PPFIA2: variants seen among roughly 807,000 people sequenced by gnomAD.
PPFIA2 encodes the protein PPFI scaffold protein A2, also known as liprin-alpha-2.
Under a neutral mutation model 175.5 loss-of-function variants are expected in PPFIA2, and 46 were observed. The ratio of observed to expected loss-of-function variants is 0.26; its 90% confidence interval spans 0.21 to 0.34. PPFIA2 has a LOEUF of 0.34. Ranked by LOEUF, PPFIA2 falls within the 10% of genes least tolerant of loss-of-function variation. PPFIA2 has a pLI of 1.00. For missense variants in PPFIA2, 1,179 were observed against 1,506.1 expected (o/e 0.78, Z 3.60); for synonymous variants, 568 against 511.4 (o/e 1.11, Z -1.49).
intron 5 of PPFIA2, among the ~76,000 whole-genome samples, chr12:81,446,644 A>C (rs1224949095): frequency 6.6e-6 from 1 of 152,246 alleles, no homozygotes; most frequent in Non-Finnish European, 1.5e-5. Context: ...AGCATAGGCT[A>C]ACAAGTGGTG....
intron 9 of PPFIA2, among the ~76,000 whole-genome samples, chr12:81,377,271 G>A (rs2036579399): frequency 6.6e-6 from 1 of 152,052 alleles, no homozygotes; most frequent in African/African-American, 2.4e-5. Flanking sequence ...ATCAGCCAGA[G>A]GCGATGGCTC....
At chr12:81,365,945 C>T (rs2033107508) in intron 14 of PPFIA2, among the ~76,000 whole-genome samples, 1 of 150,050 alleles carries the variant, frequency 6.7e-6, no homozygotes, top group Non-Finnish European at 1.5e-5. Flanking sequence ...TTTCCAATAC[C>T]TTCTATATCC....
At position 81,642,804 on chromosome 12, in the gene PPFIA2, T is replaced by TATTATATACATAC. The variant is rs1567690364; in HGVS notation, c.303+33986_303+33987insGTATGTATATAAT. Among the ~76,000 whole-genome samples, 25 of 24,252 alleles carry TATTATATACATAC rather than the reference T, an allele frequency of 1.0e-3. 7 individuals carry two copies. Among genetic ancestry groups the TATTATATACATAC allele is most frequent in the Admixed American group, 2.6e-3 (4 of 1,566 alleles). 15.9% of individuals were successfully genotyped at this position (24,252 alleles called of 152,430 possible). On this transcript the variant is annotated intron_variant, in intron 4 of 32. Coordinates refer to ENST00000549396, the MANE Select transcript of PPFIA2 (RefSeq NM_003625.5). The stretch of plus-strand genomic sequence containing the variant: ...TTATATACATACATGTATATGTATG[T>TATTATATACATAC]ATGTATTACATACATGTATATGTAT...
chr12:81,284,213 C>G (rs1394344218), intron 25 of PPFIA2, 28 bp downstream of exon 25: 6 of 1,515,646 alleles, frequency 4.0e-6, no homozygotes, highest in Non-Finnish European at 5.5e-6. Context: ...CACTTTCCTT[C>G]AGGTTCAACA....
At chr12:81,640,940 A>C (rs779370065) in intron 4 of PPFIA2, among the ~76,000 whole-genome samples, 4 of 152,124 alleles carry the variant, frequency 2.6e-5, no homozygotes, top group Non-Finnish European at 5.9e-5. Context: ...CCTAGTTTTT[A>C]GGGAAGGGAA....
At chr12:81,434,596 A>G (rs1273886075) in intron 7 of PPFIA2, among the ~76,000 whole-genome samples, 2 of 152,122 alleles carry the variant, frequency 1.3e-5, no homozygotes, top group Non-Finnish European at 2.9e-5. Context: ...TCAAAGATAA[A>G]TACATTTTCA....
intron 8 of PPFIA2, among the ~76,000 whole-genome samples, chr12:81,398,664 G>A (rs1024244516): frequency 7.2e-5 from 11 of 152,000 alleles, no homozygotes; most frequent in African/African-American, 2.2e-4. Flanking sequence ...ACCCGTAGCC[G>A]CTTTGTTAAT....
At chr12:81,314,334 C>T (rs939395980) in intron 22 of PPFIA2, among the ~76,000 whole-genome samples, 1 of 151,652 alleles carries the variant, frequency 6.6e-6, no homozygotes, top group African/African-American at 2.4e-5. Context: ...TAGCATATAG[C>T]CTCATTATTT....
intron 4 of PPFIA2, among the ~76,000 whole-genome samples, chr12:81,551,503 A>T (rs557334456): frequency 4.6e-5 from 7 of 152,130 alleles, no homozygotes; most frequent in Admixed American, 1.3e-4. Context: ...AAGCACTCAC[A>T]TTGCATGATT....
chr12:81,691,719 A>G (rs1723048838), intron 3 of PPFIA2, among the ~76,000 whole-genome samples: 1 of 152,178 alleles, frequency 6.6e-6, no homozygotes, highest in South Asian at 2.1e-4. Context: ...CTATTAATGG[A>G]TAATAGTTAG....
At chr12:81,512,279 C>T in intron 4 of PPFIA2, 3 of 1,284,284 alleles carry the variant, frequency 2.3e-6, no homozygotes, top group Non-Finnish European at 3.0e-6. Flanking sequence ...TGACACAAAA[C>T]ATACCTGATG....
At chr12:81,614,582 C>T (rs1392313169) in intron 4 of PPFIA2, among the ~76,000 whole-genome samples, 1 of 152,092 alleles carries the variant, frequency 6.6e-6, no homozygotes, top group Non-Finnish European at 1.5e-5. Flanking sequence ...GTTTAGGCCA[C>T]CTTATTTCTT....
chr12:81,737,844 T>C lies in PPFIA2; in HGVS notation c.249+16129A>G, dbSNP rs563501866. Among the ~76,000 whole-genome samples, 104 of 151,076 alleles carry C rather than the reference T, an allele frequency of 6.9e-4. No individual in the cohort carries two copies. In the South Asian group the frequency reaches 7.9e-3, roughly 12 times the overall value. On this transcript the variant is annotated intron_variant, in intron 3 of 32. Transcript: ENST00000549396. ...CACAGAGCAATAAGGGGATGGAAAA[T>C]ATAGAAGAAAGAGTAAGAGGAATAG... is the stretch of plus-strand genomic sequence containing the variant.
intron 4 of PPFIA2, chr12:81,598,045 A>C (rs1424380127): frequency 9.8e-6 from 15 of 1,534,822 alleles, no homozygotes; most frequent in Non-Finnish European, 1.2e-5. Context: ...CTGATCACTG[A>C]GACAATATAA....
At chr12:81,722,090 T>C (rs1450121170) in intron 3 of PPFIA2, among the ~76,000 whole-genome samples, 5 of 151,076 alleles carry the variant, frequency 3.3e-5, no homozygotes, top group Non-Finnish European at 1.5e-5. Flanking sequence ...GACACTTTCC[T>C]CAGGGCATTT....
At chr12:81,472,166 G>A (rs2056841581) in intron 4 of PPFIA2, among the ~76,000 whole-genome samples, 1 of 152,144 alleles carries the variant, frequency 6.6e-6, no homozygotes, top group African/African-American at 2.4e-5. Flanking sequence ...TACAGAAACA[G>A]AAAATGAATT....
chr12:81,467,741 C>T lies in PPFIA2; in HGVS notation c.304-9875G>A, dbSNP rs2055958394. Among the ~76,000 whole-genome samples the T allele has an allele frequency of 2.0e-5, 3 of 152,228 alleles. No individual in the cohort carries two copies. In the South Asian group the frequency reaches 6.2e-4, roughly 32 times the overall value. On this transcript the variant is annotated intron_variant, in intron 4 of 32. Transcript: ENST00000549396. Reference sequence around the variant, plus strand: ...TCTGAAATGCAATGATAGTATAAAACATATTTGAGAACTTTTTAATGAACC... The same window carrying T: ...TCTGAAATGCAATGATAGTATAAAATATATTTGAGAACTTTTTAATGAACC...
chr12:81,660,393 G>T (rs2153545708), intron 4 of PPFIA2, among the ~76,000 whole-genome samples: 1 of 152,306 alleles, frequency 6.6e-6, no homozygotes, highest in East Asian at 1.9e-4. Context: ...AGAACTACGT[G>T]ACAAATGCAC....
At chr12:81,563,109 T>G (rs1057503093) in intron 4 of PPFIA2, among the ~76,000 whole-genome samples, 31 of 152,238 alleles carry the variant, frequency 2.0e-4, no homozygotes, top group Non-Finnish European at 3.4e-4. Flanking sequence ...TATGTTCTTC[T>G]TGTTTTTAAA....
Sources: gnomAD v4.1 joint callset for allele counts (sites outside exome capture counted in the v4.1 genomes callset) on GRCh38, gnomAD v4.1.1 for gene constraint, MANE v1.5 for transcripts, NCBI Gene and HGNC (gene_info 2026-07-23, HGNC 2026-07-21) for gene names.